RGS6: variants seen among roughly 807,000 people sequenced by gnomAD.
RGS6 encodes regulator of G protein signaling 6, also known as regulator of G-protein signaling 6.
A neutral mutation model predicts 78.5 loss-of-function variants in RGS6; 30 were observed. The observed-to-expected ratio is 0.38, with a 90% CI of 0.29 to 0.52. The LOEUF is 0.52. Ranked by LOEUF, RGS6 falls within the 20% of genes least tolerant of loss-of-function variation. The pLI is 0.85. For missense variants in RGS6, 495 were observed against 609.7 expected (o/e 0.81, Z 1.98); for synonymous variants, 206 against 206.0 (o/e 1.00, Z 0.00).
At chr14:72,537,572 T>G (rs1434948425) in intron 16 of RGS6, 1 of 702,382 alleles carries the variant, frequency 1.4e-6, no homozygotes. Flanking sequence ...ATTCCCCTGC[T>G]GGAGGATGCC....
intron 2 of RGS6, among the ~76,000 whole-genome samples, chr14:72,298,451 TTTTTC>T (rs1194150320): frequency 1.4e-3 from 106 of 73,620 alleles, no homozygotes; most frequent in African/African-American, 0.012. Context: ...TTTTTTTTTT[TTTTTC>T]CCCCCCTCTG....
At chr14:72,357,404 A>C (rs2152767393) in intron 3 of RGS6, among the ~76,000 whole-genome samples, 1 of 152,328 alleles carries the variant, frequency 6.6e-6, no homozygotes, top group African/African-American at 2.4e-5. Flanking sequence ...AGGGCTTAGA[A>C]GACAGGAAGA....
chr14:71,882,330 C>T, the RGS6 span, among the ~76,000 whole-genome samples: 30 of 152,092 alleles, frequency 2.0e-4, no homozygotes, highest in Non-Finnish European at 3.5e-4. Flanking sequence ...ATGTGTATAT[C>T]GCATTTGGTT....
At chr14:72,526,683 G>T (rs915907750) in intron 15 of RGS6, among the ~76,000 whole-genome samples, 6 of 146,042 alleles carry the variant, frequency 4.1e-5, no homozygotes, top group African/African-American at 1.7e-4. Flanking sequence ...AAATCCAAAG[G>T]GGGCACTTCC....
chr14:72,282,584 CAG>C (rs1030126154), intron 2 of RGS6, among the ~76,000 whole-genome samples: 8 of 152,196 alleles, frequency 5.3e-5, no homozygotes, highest in African/African-American at 1.9e-4. Flanking sequence ...GGTAGGATGA[CAG>C]AAAAAGTTTT....
At chr14:72,239,790 T>C (rs1461981129) in intron 2 of RGS6, among the ~76,000 whole-genome samples, 1 of 152,226 alleles carries the variant, frequency 6.6e-6, no homozygotes, top group East Asian at 1.9e-4. Context: ...CCCTCAAATC[T>C]CTCATAGCCT....
At chr14:71,872,801 T>C in the RGS6 span, among the ~76,000 whole-genome samples, 133,767 of 152,132 alleles carry the variant, frequency 0.88, 58,929 homozygotes, top group South Asian at 0.91. Flanking sequence ...CCATTCCCCA[T>C]CCCACGACAG....
rs573976540 is a variant in RGS6, at chr14:72,432,083, T to C, written c.185-22445T>C. On this transcript the variant is annotated intron_variant, in intron 3 of 17. Transcript: ENST00000553525. ...AGTAGAAGCTAGAAATCTTAGATACTACCTTGCCCATCTCTGGGTGCAGCC... is the reference window on the plus strand; with the variant it reads ...AGTAGAAGCTAGAAATCTTAGATACCACCTTGCCCATCTCTGGGTGCAGCC... Among the ~76,000 whole-genome samples, 8 of 152,342 alleles carry C rather than the reference T, an allele frequency of 5.3e-5. No homozygotes were observed. The South Asian group carries it at 1.7e-3, about 32-fold the overall frequency.
chr14:72,550,741 A>C, intron 17 of RGS6: 3 of 1,032,946 alleles, frequency 2.9e-6, no homozygotes, highest in Non-Finnish European at 4.0e-6. Flanking sequence ...CACCTGATGG[A>C]GGTTTCCTTG....
At chr14:71,884,233 C>T in the RGS6 span, among the ~76,000 whole-genome samples, 183 of 152,260 alleles carry the variant, frequency 1.2e-3, no homozygotes, top group Non-Finnish European at 1.8e-3. Context: ...ACACCTCCTG[C>T]GAGCCAGGGA....
At chr14:72,091,966 T>G (rs2095281715) in intron 2 of RGS6, among the ~76,000 whole-genome samples, 1 of 152,146 alleles carries the variant, frequency 6.6e-6, no homozygotes. Flanking sequence ...ACAGAAAGAC[T>G]TTCACTAGGT....
intron 2 of RGS6, among the ~76,000 whole-genome samples, chr14:72,265,317 G>T (rs546337852): frequency 3.5e-4 from 54 of 152,244 alleles, no homozygotes; most frequent in African/African-American, 1.3e-3. Context: ...GGCATTTTGG[G>T]TCCAAGCCCC....
intron 3 of RGS6, among the ~76,000 whole-genome samples, chr14:72,395,844 C>G (rs907103154): frequency 1.2e-4 from 18 of 152,196 alleles, no homozygotes; most frequent in African/African-American, 4.3e-4. Context: ...CATCCATGTC[C>G]CTACAAAGGA....
At chr14:72,400,960 G>A (rs1169712456) in intron 3 of RGS6, among the ~76,000 whole-genome samples, 1 of 152,220 alleles carries the variant, frequency 6.6e-6, no homozygotes, top group Admixed American at 6.5e-5. Context: ...CTGCTTCTCT[G>A]CAGAATTTCC....
chr14:72,378,708 C>CA, intron 3 of RGS6, among the ~76,000 whole-genome samples: 2 of 151,956 alleles, frequency 1.3e-5, no homozygotes, highest in African/African-American at 4.8e-5. Context: ...AAAAGTTTCC[C>CA]AAAAAAGAAA....
intron 2 of RGS6, among the ~76,000 whole-genome samples, chr14:72,106,111 A>C (rs1176082068): frequency 6.6e-6 from 1 of 152,250 alleles, no homozygotes; most frequent in Admixed American, 6.5e-5. Context: ...GAGAACAGAG[A>C]GACCAGACAT....
chr14:72,276,832 T>A (rs1349857906), intron 2 of RGS6, among the ~76,000 whole-genome samples: 1 of 152,150 alleles, frequency 6.6e-6, no homozygotes, highest in Non-Finnish European at 1.5e-5. Flanking sequence ...CAGATATGTC[T>A]TTATTAGCAA....
chr14:72,202,624 CA>C (rs894134669), intron 2 of RGS6, among the ~76,000 whole-genome samples: 38 of 152,204 alleles, frequency 2.5e-4, no homozygotes, highest in African/African-American at 8.4e-4. Flanking sequence ...GGAGAGTAAG[CA>C]AACTTACTGC....
At chr14:71,878,153 G>A in the RGS6 span, among the ~76,000 whole-genome samples, 17 of 152,306 alleles carry the variant, frequency 1.1e-4, no homozygotes, top group Non-Finnish European at 2.2e-4. Context: ...GAGGCAATCT[G>A]TATGTTCTCA....
Sources: gnomAD v4.1 joint callset for allele counts (sites outside exome capture counted in the v4.1 genomes callset) on GRCh38, gnomAD v4.1.1 for gene constraint, MANE v1.5 for transcripts, NCBI Gene and HGNC (gene_info 2026-07-23, HGNC 2026-07-21) for gene names.